GRAMD4: variants seen among roughly 807,000 people sequenced by gnomAD.
The protein encoded by GRAMD4 is GRAM domain-containing protein 4.
Under a neutral mutation model 83.9 loss-of-function variants are expected in GRAMD4, and 25 were observed. That is an observed-to-expected ratio of 0.30 (90% CI 0.22 to 0.42). GRAMD4 has a LOEUF of 0.42. Among genes scored for constraint, GRAMD4 ranks in the 10% least tolerant of loss-of-function variants. GRAMD4 has a pLI of 1.00. For missense variants in GRAMD4, 593 were observed against 788.7 expected (o/e 0.75, Z 2.97); for synonymous variants, 336 against 320.9 (o/e 1.05, Z -0.50).
At chr22:46,653,528 A>G (rs187504430) in intron 3 of GRAMD4, among the ~76,000 whole-genome samples, 64 of 152,248 alleles carry the variant, frequency 4.2e-4, no homozygotes, top group African/African-American at 1.5e-3. Flanking sequence ...GCATCCATCC[A>G]CATCTGTCCC....
At chr22:46,633,968 G>A (rs1030449140) in intron 2 of GRAMD4, among the ~76,000 whole-genome samples, 3 of 152,206 alleles carry the variant, frequency 2.0e-5, no homozygotes, top group Non-Finnish European at 2.9e-5. Context: ...CGTGGACCAC[G>A]TTACTCCTGG....
intron 1 of GRAMD4, among the ~76,000 whole-genome samples, chr22:46,586,339 T>A (rs1480376471): frequency 6.7e-6 from 1 of 148,648 alleles, no homozygotes; most frequent in East Asian, 2.1e-4. Context: ...GCTTTCCAGG[T>A]TGAGATTGGT....
At chr22:46,680,586 CCAT>C (rs2082658389), downstream of GRAMD4, among the ~76,000 whole-genome samples, 73 of 23,172 alleles carry the variant, frequency 3.2e-3, no homozygotes, top group Non-Finnish European at 4.7e-3. Context: ...ATCCATCCAT[CCAT>C]CCATCCACCC....
At chr22:46,653,017 G>T (rs1262670653) in intron 3 of GRAMD4, among the ~76,000 whole-genome samples, 3 of 152,196 alleles carry the variant, frequency 2.0e-5, no homozygotes, top group African/African-American at 7.2e-5. Context: ...ACAGCAGCTT[G>T]GCCTTGCAGG....
chr22:46,576,613 C>T (rs996932299), upstream of GRAMD4, among the ~76,000 whole-genome samples: 4 of 152,216 alleles, frequency 2.6e-5, no homozygotes, highest in Non-Finnish European at 5.9e-5. Context: ...GCGTCCCGTA[C>T]AGCGCGGGCT....
Position 46,635,699 on chromosome 22 carries a change from CT to C in GRAMD4, c.163-2140del, listed in dbSNP as rs60451988. Among the ~76,000 whole-genome samples, 188 of 106,460 alleles carry C rather than the reference CT, an allele frequency of 1.8e-3. 1 individual carries two copies. Among genetic ancestry groups the C allele is most frequent in the African/African-American group, 6.0e-3 (130 of 21,532 alleles). The allele number at this position is 106,460 out of a possible 152,430, so 69.8% of individuals were successfully genotyped here. A position where few individuals can be genotyped will look rare whatever the true frequency, so the allele number is the denominator to read the frequency against. ...GTCCAGGGGAGCTGTGTCCTCCCTG[CT>C]CCCCACCCCTGACCACTCCTGTCCT... On this transcript the variant is annotated intron_variant, in intron 2 of 18. Coordinates refer to ENST00000406902, the MANE Select transcript of GRAMD4 (RefSeq NM_015124.5).
chr22:46,671,480 AAAAATT>A (rs1026008475), intron 13 of GRAMD4, among the ~76,000 whole-genome samples: 22 of 151,508 alleles, frequency 1.5e-4, no homozygotes, highest in Non-Finnish European at 2.8e-4. Flanking sequence ...TCTCAAATAA[AAAAATT>A]AAAATTAAAA....
At chr22:46,680,066 A>G (rs959641866), downstream of GRAMD4, among the ~76,000 whole-genome samples, 4 of 152,164 alleles carry the variant, frequency 2.6e-5, no homozygotes, top group African/African-American at 4.8e-5. Context: ...GTGGCGAGGG[A>G]CGCGGCCTGC....
At chr22:46,644,704 T>G (rs1017000090) in intron 3 of GRAMD4, among the ~76,000 whole-genome samples, 235 of 16,584 alleles carry the variant, frequency 0.014, no homozygotes, top group Non-Finnish European at 0.026. Flanking sequence ...CCTGTTTTTT[T>G]TTTTTTTTTT....
At chr22:46,585,591 C>T (rs914740470) in intron 1 of GRAMD4, among the ~76,000 whole-genome samples, 1 of 152,266 alleles carries the variant, frequency 6.6e-6, no homozygotes, top group African/African-American at 2.4e-5. Context: ...AAGACTTTCA[C>T]CCTTGTGTTC....
chr22:46,667,382 A>G (rs147291942), intron 10 of GRAMD4, among the ~76,000 whole-genome samples: 46 of 152,364 alleles, frequency 3.0e-4, no homozygotes, highest in African/African-American at 1.0e-3. Flanking sequence ...CCTCTGGCCC[A>G]CTGCCTAACT....
At chr22:46,589,665 C>A (rs1445084183) in intron 1 of GRAMD4, among the ~76,000 whole-genome samples, 2 of 152,110 alleles carry the variant, frequency 1.3e-5, no homozygotes, top group African/African-American at 4.8e-5. Flanking sequence ...CCTGTGGCTA[C>A]CCCCCAGTCC....
At chr22:46,656,652 C>T (rs1364911039) in intron 3 of GRAMD4, among the ~76,000 whole-genome samples, 4 of 152,372 alleles carry the variant, frequency 2.6e-5, no homozygotes, top group South Asian at 4.1e-4. Context: ...AGCCTGCCTT[C>T]AGCCTTGGGC....
chr22:46,611,569 G>A (rs2081417263), intron 1 of GRAMD4, among the ~76,000 whole-genome samples: 2 of 152,254 alleles, frequency 1.3e-5, no homozygotes, highest in South Asian at 4.2e-4. Flanking sequence ...GAACACTGGT[G>A]GGAGCTTGTC....
At chr22:46,598,829 G>A (rs567124155) in intron 1 of GRAMD4, among the ~76,000 whole-genome samples, 2 of 152,286 alleles carry the variant, frequency 1.3e-5, no homozygotes, top group South Asian at 2.1e-4. Flanking sequence ...TGGAGAGCAC[G>A]CTTAGCAGCT....
upstream of GRAMD4, among the ~76,000 whole-genome samples, chr22:46,616,714 CCG>C: frequency 6.9e-6 from 1 of 145,856 alleles, no homozygotes; most frequent in African/African-American, 2.6e-5. Flanking sequence ...GTAGGTTCCC[CCG>C]TGCGTGTAGG....
chr22:46,614,806 G>A (rs1432348325), intron 1 of GRAMD4, among the ~76,000 whole-genome samples: 5 of 112,128 alleles, frequency 4.5e-5, no homozygotes. Flanking sequence ...GTTCCCCCGT[G>A]TGTAGGTTCC....
intron 1 of GRAMD4, among the ~76,000 whole-genome samples, chr22:46,595,652 A>G (rs1329178378): frequency 6.6e-6 from 1 of 152,134 alleles, no homozygotes; most frequent in Non-Finnish European, 1.5e-5. Flanking sequence ...CACCCCTCCC[A>G]CCCAGCCACC....
In GRAMD4 at chr22:46,622,940, A is replaced by G. The variant is rs1432607484; in HGVS notation, c.-50+2375A>G. Among the ~76,000 whole-genome samples the G allele has an allele frequency of 6.6e-6, 1 of 151,628 alleles. No homozygotes were observed. The highest frequency in any genetic ancestry group is 1.5e-5 in the Non-Finnish European group (1 of 67,918). ...AAAAAAAAAAAAAAAAACTGATGAA[A>G]TTGGTAATATTTATATTATGTGTGT... On this transcript the variant is annotated intron_variant, in intron 1 of 18. Coordinates refer to ENST00000406902, the MANE Select transcript of GRAMD4 (RefSeq NM_015124.5). The surrounding 1 kb of genome is among the most constrained non-coding windows in gnomAD (Gnocchi z 4.0).
Sources: gnomAD v4.1 joint callset for allele counts (sites outside exome capture counted in the v4.1 genomes callset) on GRCh38, gnomAD v4.1.1 for gene constraint, Gnocchi (gnomAD v3.1) non-coding constraint, MANE v1.5 for transcripts, NCBI Gene and HGNC (gene_info 2026-07-23, HGNC 2026-07-21) for gene names.